ACSL1: variants seen among roughly 807,000 people sequenced by gnomAD.
ACSL1 encodes long-chain-fatty-acid--CoA ligase 1.
A neutral mutation model predicts 98.4 loss-of-function variants in ACSL1; 41 were observed. The ratio of observed to expected loss-of-function variants is 0.42; its 90% CI spans 0.32 to 0.54. ACSL1 has a LOEUF of 0.54. Ranked by LOEUF, ACSL1 falls within the 20% of genes least tolerant of loss-of-function variation. The pLI, the probability that ACSL1 is intolerant of heterozygous loss-of-function variation, is 0.13. For missense variants in ACSL1, 734 were observed against 883.1 expected (o/e 0.83, Z 2.14); for synonymous variants, 316 against 322.7 (o/e 0.98, Z 0.22).
intron 1 of ACSL1, among the ~76,000 whole-genome samples, chr4:184,804,307 C>T (rs975219900): frequency 6.6e-6 from 1 of 152,212 alleles, no homozygotes; most frequent in African/African-American, 2.4e-5. Context: ...CAGCCGGACG[C>T]GGTGGCTCAT....
intron 1 of ACSL1, among the ~76,000 whole-genome samples, chr4:184,816,218 G>A (rs1772622601): frequency 6.6e-6 from 1 of 152,182 alleles, no homozygotes; most frequent in Admixed American, 6.5e-5. Context: ...ATGGGACCCT[G>A]TTCTGGCCTC....
chr4:184,775,847 C>T (rs1765206467), intron 7 of ACSL1, among the ~76,000 whole-genome samples: 1 of 152,190 alleles, frequency 6.6e-6, no homozygotes, highest in African/African-American at 2.4e-5. Context: ...AAAGATCTTC[C>T]TCCGGCCATG....
chr4:184,787,860 G>A lies in ACSL1; in HGVS notation c.310+757C>T, dbSNP rs569809672. Among the ~76,000 whole-genome samples the A allele has an allele frequency of 2.3e-4, 15 of 66,662 alleles. No homozygotes were observed. The South Asian group carries it at 8.5e-3, about 38-fold the overall frequency. The allele number at this position is 66,662 out of a possible 152,430, so 43.7% of individuals were successfully genotyped here. On this transcript the variant is annotated intron_variant, in intron 3 of 20. Coordinates refer to ENST00000281455, the MANE Select transcript of ACSL1 (RefSeq NM_001995.5). ...GCCTGGGCAACAAGAGCAAAACTCC[G>A]TCCAAAGAAAAAAAAAAGTGCACAA...
At chr4:184,819,192 G>C (rs1772865123) in intron 1 of ACSL1, among the ~76,000 whole-genome samples, 1 of 150,278 alleles carries the variant, frequency 6.7e-6, no homozygotes, top group South Asian at 2.1e-4. Flanking sequence ...CCCCAGGCTG[G>C]AGTGCAATGG....
chr4:184,768,326 A>G lies in ACSL1; in HGVS notation c.1118T>C (p.Met373Thr), dbSNP rs1010436040. 6 of 1,611,946 alleles carry G rather than the reference A, an allele frequency of 3.7e-6. No individual in the cohort carries two copies. Among genetic ancestry groups the G allele is most frequent in the Non-Finnish European group, 5.1e-6 (6 of 1,179,528 alleles). Residue 373 changes from methionine (M) to threonine (T), a missense_variant, in exon 12 of 21, where the codon ATG becomes ACG. Coordinates refer to ENST00000281455, the MANE Select transcript of ACSL1 (RefSeq NM_001995.5). ...CTGCTTGGAACTTACTCGGTCAAACATCCGGTTCAGCAGTCTTGGAACCAC... is the reference window on the plus strand; with the variant it reads ...CTGCTTGGAACTTACTCGGTCAAACGTCCGGTTCAGCAGTCTTGGAACCAC... ...FPVVPRLLNR[M>T]FDRIFGQANT...
chr4:184,776,681 A>G lies in ACSL1; in HGVS notation c.578-19T>C, dbSNP rs543752124. 1 of 1,603,210 alleles carries G rather than the reference A, an allele frequency of 6.2e-7. No homozygotes were observed. The highest frequency in any genetic ancestry group is 8.5e-7 in the Non-Finnish European group (1 of 1,177,180). On this transcript the variant is annotated intron_variant, in intron 6 of 20. Coordinates refer to ENST00000281455, the MANE Select transcript of ACSL1 (RefSeq NM_001995.5). ...AGTTCAGCTGTAAATGAAGAGATACAATGAAGAATAAGCTCTGGGATGTTA... is the reference window on the plus strand; with the variant it reads ...AGTTCAGCTGTAAATGAAGAGATACGATGAAGAATAAGCTCTGGGATGTTA...
chr4:184,825,638 G>A lies in ACSL1; in HGVS notation c.-33+278C>T, dbSNP rs997065992. Among the ~76,000 whole-genome samples, 36 of 150,546 alleles carry A rather than the reference G, an allele frequency of 2.4e-4. No homozygotes were observed. Among genetic ancestry groups the A allele is most frequent in the Middle Eastern group, 3.4e-3 (1 of 292 alleles). ...AGGGTCGGTCCCGCGCGCATCCCCG[G>A]CCGCGCACCAGCCCCGCGCCCGCGC... On this transcript the variant is annotated intron_variant, in intron 1 of 20. Transcript: ENST00000281455. The surrounding 1 kb of genome is among the most constrained non-coding windows in gnomAD (Gnocchi z 4.7).
chr4:184,756,416 A>G lies in ACSL1; in HGVS notation c.*709T>C, dbSNP rs1014248443. 9 of 152,670 alleles carry G rather than the reference A, an allele frequency of 5.9e-5. No homozygotes were observed. The highest frequency in any genetic ancestry group is 2.2e-4 in the African/African-American group (9 of 41,468). 9.5% of individuals were successfully genotyped at this position (152,670 alleles called of 1,614,324 possible). ...GAACCGAGTCCAAGAGCATTCTGCCATGAAAGAGAATCCACGCGTTCTGAT... is the reference window on the plus strand; with the variant it reads ...GAACCGAGTCCAAGAGCATTCTGCCGTGAAAGAGAATCCACGCGTTCTGAT... On this transcript the variant is annotated 3_prime_UTR_variant, in exon 21 of 21. Coordinates refer to ENST00000281455, the MANE Select transcript of ACSL1 (RefSeq NM_001995.5).
At chr4:184,811,575 T>C (rs1021010032) in intron 1 of ACSL1, among the ~76,000 whole-genome samples, 1 of 152,062 alleles carries the variant, frequency 6.6e-6, no homozygotes, top group Non-Finnish European at 1.5e-5. Context: ...CTACATGATC[T>C]CACTTCTAGG....
At chr4:184,788,779 T>A (rs1192632580) in intron 2 of ACSL1, 48 bp from the exon 3 acceptor site, 2 of 1,453,328 alleles carry the variant, frequency 1.4e-6, no homozygotes, top group South Asian at 2.3e-5. Flanking sequence ...GAAACATCTA[T>A]GCACTGTGGA....
intron 1 of ACSL1, chr4:184,808,286 A>G: frequency 1.0e-6 from 1 of 984,566 alleles, no homozygotes; most frequent in Non-Finnish European, 1.2e-6. Context: ...GCAAACTTTT[A>G]CTTACATTAA....
At chr4:184,785,648 C>A (rs1306731444) in intron 3 of ACSL1, among the ~76,000 whole-genome samples, 3 of 133,140 alleles carry the variant, frequency 2.3e-5, no homozygotes, top group East Asian at 2.2e-4. Context: ...ACCTGCAAAG[C>A]AGCTCCCTTC....
At chr4:184,761,221 A>T (rs1255892476) in intron 17 of ACSL1, among the ~76,000 whole-genome samples, 1 of 152,192 alleles carries the variant, frequency 6.6e-6, no homozygotes, top group Admixed American at 6.5e-5. Context: ...AGACTATGGG[A>T]TGTGTTCGTG....
intron 2 of ACSL1, among the ~76,000 whole-genome samples, chr4:184,796,109 G>A (rs2150408064): frequency 6.6e-6 from 1 of 152,314 alleles, no homozygotes; most frequent in South Asian, 2.1e-4. Flanking sequence ...AATCTAATCA[G>A]CTGCCAGCAT....
Position 184,773,593 on chromosome 4 carries a change from C to G in ACSL1, c.841+70G>C, listed in dbSNP as rs1764824531. 1.4e-6 allele frequency: 2 copies of G among 1,447,234 alleles called. No individual in the cohort carries two copies. Among genetic ancestry groups the G allele is most frequent in the Non-Finnish European group, 1.9e-6 (2 of 1,062,456 alleles). 89.6% of individuals were successfully genotyped at this position (1,447,234 alleles called of 1,614,324 possible). ...CGTCTACTGTTAGCTGATAAGTCAT[C>G]CAAAAGAGGTAGGGGAGAGTCCAGA... On this transcript the variant is annotated intron_variant, in intron 9 of 20. Coordinates refer to ENST00000281455, the MANE Select transcript of ACSL1 (RefSeq NM_001995.5). The surrounding 1 kb of genome is among the most constrained non-coding windows in gnomAD (Gnocchi z 4.3).
chr4:184,811,392 GT>G (rs1772097758), intron 1 of ACSL1, among the ~76,000 whole-genome samples: 1 of 152,092 alleles, frequency 6.6e-6, no homozygotes, highest in Admixed American at 6.5e-5. Context: ...GATTACAGGT[GT>G]GAGCCACCGC....
At chr4:184,799,463 T>C (rs533286303) in intron 2 of ACSL1, among the ~76,000 whole-genome samples, 1 of 152,158 alleles carries the variant, frequency 6.6e-6, no homozygotes, top group African/African-American at 2.4e-5. Context: ...CAACAGAACT[T>C]AGACTCTGTT....
intron 1 of ACSL1, among the ~76,000 whole-genome samples, chr4:184,811,476 T>G (rs535777540): frequency 6.6e-6 from 1 of 152,182 alleles, no homozygotes; most frequent in African/African-American, 2.4e-5. Context: ...CGGATCAAAA[T>G]GTAGTCTATA....
chr4:184,765,226 A>C (rs1310379041), intron 14 of ACSL1, among the ~76,000 whole-genome samples: 2 of 152,134 alleles, frequency 1.3e-5, no homozygotes, highest in African/African-American at 4.8e-5. Flanking sequence ...TGTACCCCAC[A>C]CATGCCCCGT....
Sources: gnomAD v4.1 joint callset for allele counts (sites outside exome capture counted in the v4.1 genomes callset) on GRCh38, gnomAD v4.1.1 for gene constraint, Gnocchi (gnomAD v3.1) non-coding constraint, MANE v1.5 for transcripts, NCBI Gene and HGNC (gene_info 2026-07-23, HGNC 2026-07-21) for gene names.